Variants in KCNQ1 observed in about 807,000 individuals in gnomAD.
KCNQ1 encodes the protein potassium voltage-gated channel subfamily KQT member 1.
In KCNQ1, 49 loss-of-function variants were observed where a neutral mutation model predicts 72.4. The ratio of observed to expected loss-of-function variants is 0.68; its 90% CI spans 0.54 to 0.86. The LOEUF is 0.86. Ranked by LOEUF, KCNQ1 falls within the 40% of genes least tolerant of loss-of-function variation. The pLI, the probability that KCNQ1 is intolerant of heterozygous loss-of-function variation, is 0.00. For synonymous variants in KCNQ1, 450 were observed against 412.6 expected (o/e 1.09, Z -1.10); for missense variants, 790 against 945.1 (o/e 0.84, Z 2.15).
chr11:2,490,154 G>T (rs776511251), intron 1 of KCNQ1, among the ~76,000 whole-genome samples: 1 of 152,262 alleles, frequency 6.6e-6, no homozygotes, highest in Non-Finnish European at 1.5e-5. Flanking sequence ...TGGGCCTGTA[G>T]TGGTGGTGGC....
rs1845939172 is a variant in KCNQ1, at chr11:2,735,352, G to C, written c.1515-33492G>C. Reference sequence around the variant, plus strand: ...GGCAATTGAGGCCCTGCCCGGTGGAGGGTGGGCCATGGCCGCCCCCACCTC... The same window carrying C: ...GGCAATTGAGGCCCTGCCCGGTGGACGGTGGGCCATGGCCGCCCCCACCTC... On this transcript the variant is annotated intron_variant, in intron 11 of 15. Transcript: ENST00000155840. The surrounding 1 kb of genome is among the most constrained non-coding windows in gnomAD (Gnocchi z 7.7). Among the ~76,000 whole-genome samples the C allele has an allele frequency of 6.6e-6, 1 of 152,028 alleles. No homozygotes were observed. Among genetic ancestry groups the C allele is most frequent in the South Asian group, 2.1e-4 (1 of 4,828 alleles).
intron 1 of KCNQ1, among the ~76,000 whole-genome samples, chr11:2,465,375 G>A (rs559385042): frequency 1.3e-5 from 2 of 152,214 alleles, no homozygotes; most frequent in Admixed American, 6.5e-5. Context: ...TCCCCACAGC[G>A]GACTGCCTCC....
At chr11:2,580,066 ATGT>A (rs561849647) in intron 6 of KCNQ1, among the ~76,000 whole-genome samples, 594 of 152,346 alleles carry the variant, frequency 3.9e-3, no homozygotes, top group African/African-American at 0.013. Context: ...AAATAATTTA[ATGT>A]TGTTATTAGA....
chr11:2,658,721 A>G lies in KCNQ1; in HGVS notation c.1394-3240A>G. ...ATGTATGTAACCTGAGTACACATACATCTTTACATATCTGTATCTATATAA... is the reference window on the plus strand; with the variant it reads ...ATGTATGTAACCTGAGTACACATACGTCTTTACATATCTGTATCTATATAA... On this transcript the variant is annotated intron_variant, in intron 10 of 15. Coordinates refer to ENST00000155840, the MANE Select transcript of KCNQ1 (RefSeq NM_000218.3). The surrounding 1 kb of genome is among the most constrained non-coding windows in gnomAD (Gnocchi z 4.9). 1 of 398,620 alleles carries G rather than the reference A, an allele frequency of 2.5e-6. No individual in the cohort carries two copies. 24.7% of individuals were successfully genotyped at this position (398,620 alleles called of 1,614,324 possible).
intron 2 of KCNQ1, among the ~76,000 whole-genome samples, chr11:2,542,944 T>A (rs1029259484): frequency 6.6e-6 from 1 of 152,090 alleles, no homozygotes. Context: ...TGAGTGTATA[T>A]TTTTAACTAT....
chr11:2,563,996 C>T lies in KCNQ1; in HGVS notation c.478-6632C>T, dbSNP rs978945451. On this transcript the variant is annotated intron_variant, in intron 2 of 15. Transcript: ENST00000155840. The surrounding 1 kb of genome is among the most constrained non-coding windows in gnomAD (Gnocchi z 7.4). ...CGGGGCCGCTGGGTGGCCCTGAAGG[C>T]CCACAGAATCCTTTTGGAGACCTGA... Among the ~76,000 whole-genome samples the T allele has an allele frequency of 6.6e-6, 1 of 152,182 alleles. No homozygotes were observed. The highest frequency in any genetic ancestry group is 1.5e-5 in the Non-Finnish European group (1 of 68,040).
chr11:2,622,243 T>A (rs1849185674), intron 10 of KCNQ1: 1 of 398,282 alleles, frequency 2.5e-6, no homozygotes, highest in African/African-American at 2.1e-5. Context: ...TATTTTGGTG[T>A]GTATACGTTT....
intron 15 of KCNQ1, among the ~76,000 whole-genome samples, chr11:2,820,275 C>A (rs1243309509): frequency 1.3e-5 from 2 of 152,184 alleles, no homozygotes; most frequent in Admixed American, 6.5e-5. Context: ...CCTTGTAAAT[C>A]CATCCTAAGA....
chr11:2,455,204 T>G (rs988359455), intron 1 of KCNQ1, among the ~76,000 whole-genome samples: 13 of 152,142 alleles, frequency 8.5e-5, no homozygotes, highest in Admixed American at 7.8e-4. Flanking sequence ...TTCACACCAT[T>G]CTCCTGCCTC....
At position 2,783,603 on chromosome 11, in the gene KCNQ1, T is replaced by C. The variant is rs1846862499; in HGVS notation, c.1794+5566T>C. ...TTCTAAACTGTTTCCAAAGGATTTA[T>C]ACCATTTTGCTTTCTCACCAGTAAA... On this transcript the variant is annotated intron_variant, in intron 15 of 15. Transcript: ENST00000155840. This position sits in a 1 kb window ranked among gnomAD's most constrained non-coding sequence, Gnocchi z 5.2. 1.3e-5 allele frequency among the ~76,000 whole-genome samples: 2 copies of C among 152,124 alleles called. No homozygotes were observed. The highest frequency in any genetic ancestry group is 2.1e-4 in the South Asian group (1 of 4,828).
chr11:2,788,363 G>A (rs1407964654), intron 15 of KCNQ1, among the ~76,000 whole-genome samples: 2 of 152,216 alleles, frequency 1.3e-5, no homozygotes, highest in African/African-American at 4.8e-5. Context: ...GCAACTGGAA[G>A]GTGCTGCTCA....
intron 10 of KCNQ1, chr11:2,650,365 A>C (rs1289359215): frequency 5.0e-6 from 2 of 398,364 alleles, no homozygotes; most frequent in African/African-American, 4.1e-5. Flanking sequence ...ATATCTGCAT[A>C]TCTGGAATAA....
intron 1 of KCNQ1, among the ~76,000 whole-genome samples, chr11:2,456,947 A>C (rs1387145085): frequency 2.1e-5 from 3 of 143,606 alleles, no homozygotes; most frequent in Admixed American, 1.4e-4. Context: ...TCAAAAAAAA[A>C]AAAAAAAAAA....
At chr11:2,770,750 C>G (rs1846581227) in intron 12 of KCNQ1, among the ~76,000 whole-genome samples, 1 of 152,248 alleles carries the variant, frequency 6.6e-6, no homozygotes. Context: ...ACCAGGGTGT[C>G]TCCATTCTGG....
chr11:2,524,991 C>G (rs1564806382), intron 1 of KCNQ1, among the ~76,000 whole-genome samples: 1 of 152,158 alleles, frequency 6.6e-6, no homozygotes, highest in Non-Finnish European at 1.5e-5. Flanking sequence ...CTGCTCACTG[C>G]AAATCAAAAC....
At position 2,695,334 on chromosome 11, in the gene KCNQ1, G is replaced by A. The variant is rs146055825; in HGVS notation, c.1514+33253G>A. 2.2e-3 allele frequency: 868 copies of A among 398,388 alleles called. 10 individuals are homozygous for A. Among genetic ancestry groups the A allele is most frequent in the African/African-American group, 0.016 (771 of 48,622 alleles). The allele number at this position is 398,388 out of a possible 1,614,324, so 24.7% of individuals were successfully genotyped here. On this transcript the variant is annotated intron_variant, in intron 11 of 15. Transcript: ENST00000155840. The surrounding 1 kb of genome is among the most constrained non-coding windows in gnomAD (Gnocchi z 5.2). ...GGGTAATTTATTTATATCATTGTGT[G>A]TGTGTGTGTGCACTCACGAGCACTC... is the stretch of plus-strand genomic sequence containing the variant.
chr11:2,680,364 C>A (rs1850374828), intron 11 of KCNQ1: 1 of 398,156 alleles, frequency 2.5e-6, no homozygotes, highest in South Asian at 1.3e-4. Flanking sequence ...AAGCAGTTTA[C>A]CCACATGTTC....
chr11:2,630,050 G>A (rs1333890975), intron 10 of KCNQ1: 1 of 397,814 alleles, frequency 2.5e-6, no homozygotes, highest in Non-Finnish European at 4.4e-6. Flanking sequence ...TGTTAGCTGT[G>A]GGCTATTCAT....
At chr11:2,655,891 A>G in intron 10 of KCNQ1, 1 of 398,726 alleles carries the variant, frequency 2.5e-6, no homozygotes, top group Non-Finnish European at 4.4e-6. Flanking sequence ...GCCCCTTGTT[A>G]TAGGGGCCCC....
Sources: allele counts gnomAD v4.1 joint callset (sites outside exome capture counted in the v4.1 genomes callset), GRCh38; gene constraint gnomAD v4.1.1; non-coding constraint Gnocchi (gnomAD v3.1); transcripts MANE v1.5; gene names NCBI Gene and HGNC (gene_info 2026-07-23, HGNC 2026-07-21).